The following FRMD4A variants were observed in gnomAD, a reference collection of about 807,000 sequenced individuals.
The protein encoded by FRMD4A is FERM domain containing 4A, also known as FERM domain-containing protein 4A.
FRMD4A carries 29 observed loss-of-function variants against 129.1 expected under a neutral mutation model. The ratio of observed to expected loss-of-function variants is 0.22; its 90% confidence interval spans 0.17 to 0.31. The LOEUF is 0.31. Ranked by LOEUF, FRMD4A falls within the 10% of genes least tolerant of loss-of-function variation. The pLI is 1.00. For synonymous variants in FRMD4A, 634 were observed against 571.6 expected, an observed-to-expected ratio of 1.11 and a Z score of -1.56; for missense variants, 1,272 against 1,375.8, an observed-to-expected ratio of 0.92 and a Z score of 1.19.
intron 2 of FRMD4A, among the ~76,000 whole-genome samples, chr10:13,905,286 T>C (rs2094870305): frequency 6.6e-6 from 1 of 152,184 alleles, no homozygotes. Context: ...CATGCTTCCA[T>C]CTCTCCCTAG....
At chr10:13,669,153 C>T (rs1349365212) in intron 17 of FRMD4A, among the ~76,000 whole-genome samples, 2 of 150,742 alleles carry the variant, frequency 1.3e-5, no homozygotes, top group Non-Finnish European at 2.9e-5. Flanking sequence ...CCTCCGACTC[C>T]CGGGTTCAAG....
At chr10:13,702,866 T>C (rs1205641691) in intron 13 of FRMD4A, among the ~76,000 whole-genome samples, 1 of 149,006 alleles carries the variant, frequency 6.7e-6, no homozygotes, top group East Asian at 2.0e-4. Flanking sequence ...TTAATGTTAC[T>C]GAGTCCACAC....
chr10:14,195,874 A>G (rs1842458112), intron 2 of FRMD4A, among the ~76,000 whole-genome samples: 2 of 152,236 alleles, frequency 1.3e-5, no homozygotes, highest in Non-Finnish European at 2.9e-5. Context: ...CTTCACTTAC[A>G]TTGAACACAT....
intron 2 of FRMD4A, among the ~76,000 whole-genome samples, chr10:14,137,963 A>G (rs1839632223): frequency 6.6e-6 from 1 of 152,158 alleles, no homozygotes; most frequent in South Asian, 2.1e-4. Flanking sequence ...CTGCTCTGCA[A>G]TCACCCTGCC....
chr10:13,899,994 C>T (rs182401577), intron 2 of FRMD4A, among the ~76,000 whole-genome samples: 1 of 152,224 alleles, frequency 6.6e-6, no homozygotes. Flanking sequence ...GCAAGTTTTC[C>T]TTTCATATGT....
intron 2 of FRMD4A, among the ~76,000 whole-genome samples, chr10:14,274,221 C>A (rs1183891970): frequency 6.6e-6 from 1 of 152,214 alleles, no homozygotes; most frequent in Non-Finnish European, 1.5e-5. Flanking sequence ...CTGGGGCAGC[C>A]ACCCATGTAA....
chr10:13,986,058 C>G (rs2095579971), intron 2 of FRMD4A, among the ~76,000 whole-genome samples: 1 of 152,180 alleles, frequency 6.6e-6, no homozygotes, highest in Non-Finnish European at 1.5e-5. Flanking sequence ...GGATTCTGCA[C>G]AATGACTGCA....
chr10:13,776,991 A>G (rs2130759315), intron 6 of FRMD4A, among the ~76,000 whole-genome samples: 1 of 152,358 alleles, frequency 6.6e-6, no homozygotes, highest in East Asian at 1.9e-4. Context: ...ATCTCACTGA[A>G]TCTTCCCAAG....
intron 2 of FRMD4A, among the ~76,000 whole-genome samples, chr10:14,303,165 A>G (rs2132092829): frequency 6.6e-6 from 1 of 152,324 alleles, no homozygotes; most frequent in East Asian, 1.9e-4. Flanking sequence ...GAACTTGAGT[A>G]TTGGCAATTT....
chr10:14,021,932 C>A (rs969631981), intron 2 of FRMD4A, among the ~76,000 whole-genome samples: 11 of 152,036 alleles, frequency 7.2e-5, no homozygotes, highest in East Asian at 3.9e-4. Flanking sequence ...GAAATGCATG[C>A]AATCATGAGA....
intron 2 of FRMD4A, among the ~76,000 whole-genome samples, chr10:14,246,671 AGTTAC>A (rs1251039887): frequency 6.6e-6 from 1 of 152,234 alleles, no homozygotes; most frequent in African/African-American, 2.4e-5. Flanking sequence ...TAAGTAATTA[AGTTAC>A]TTTGACTAAA....
chr10:13,902,857 A>C (rs2094837626), intron 2 of FRMD4A, among the ~76,000 whole-genome samples: 1 of 150,440 alleles, frequency 6.6e-6, no homozygotes, highest in Non-Finnish European at 1.5e-5. Context: ...AAAAAAAAAA[A>C]CAACAACAAA....
chr10:14,329,082 G>A (rs1186691760), intron 2 of FRMD4A, among the ~76,000 whole-genome samples: 1 of 152,192 alleles, frequency 6.6e-6, no homozygotes, highest in Admixed American at 6.5e-5. Flanking sequence ...GCTTCCCACT[G>A]ACGGCTCTTC....
At chr10:14,288,914 T>G (rs147422920) in intron 2 of FRMD4A, among the ~76,000 whole-genome samples, 129 of 152,358 alleles carry the variant, frequency 8.5e-4, no homozygotes, top group African/African-American at 2.8e-3. Context: ...CTTAACATAA[T>G]GTCCTCCAGG....
chr10:14,155,306 A>G (rs1589091415), intron 2 of FRMD4A, among the ~76,000 whole-genome samples: 1 of 152,330 alleles, frequency 6.6e-6, no homozygotes, highest in East Asian at 1.9e-4. Context: ...AAATAAATAC[A>G]TGAATAGATT....
At chr10:13,960,928 T>C (rs1309240636) in intron 2 of FRMD4A, among the ~76,000 whole-genome samples, 2 of 152,210 alleles carry the variant, frequency 1.3e-5, no homozygotes, top group African/African-American at 4.8e-5. Context: ...AATGATCCTA[T>C]GGAAGGCTGT....
At chr10:14,043,680 G>T (rs1418021285) in intron 2 of FRMD4A, among the ~76,000 whole-genome samples, 2 of 152,156 alleles carry the variant, frequency 1.3e-5, no homozygotes, top group African/African-American at 4.8e-5. Flanking sequence ...GCCTGGACAG[G>T]CACAGACAAC....
chr10:13,785,498 T>C (rs1239354196), intron 5 of FRMD4A, among the ~76,000 whole-genome samples: 1 of 152,220 alleles, frequency 6.6e-6, no homozygotes, highest in Non-Finnish European at 1.5e-5. Context: ...TAAACAACTT[T>C]TAGTTCTTTA....
chr10:14,068,763 G>A (rs1185634262), intron 2 of FRMD4A, among the ~76,000 whole-genome samples: 1 of 152,068 alleles, frequency 6.6e-6, no homozygotes, highest in Admixed American at 6.5e-5. Context: ...TACTATATTA[G>A]GTTTAATTGG....
Sources: allele counts gnomAD v4.1 joint callset (sites outside exome capture counted in the v4.1 genomes callset), GRCh38; gene constraint gnomAD v4.1.1; transcripts MANE v1.5; gene names NCBI Gene and HGNC (gene_info 2026-07-23, HGNC 2026-07-21).